The following GABRA2 variants were observed in gnomAD, a reference collection of about 807,000 sequenced individuals.
The protein encoded by GABRA2 is gamma-aminobutyric acid receptor subunit alpha-2.
Under a neutral mutation model 48.7 loss-of-function variants are expected in GABRA2, and 16 were observed. The observed-to-expected ratio is 0.33, with a 90% CI of 0.22 to 0.50. The LOEUF (loss-of-function observed/expected upper bound fraction) is 0.50. GABRA2 is among the 20% of genes least tolerant of loss of function. The pLI is 0.98. For synonymous variants in GABRA2, 185 were observed against 184.5 expected, an observed-to-expected ratio of 1.00 and a Z score of -0.02; for missense variants, 275 against 535.6, an observed-to-expected ratio of 0.51 and a Z score of 4.80.
chr4:46,298,097 G>A (rs1295960173), intron 8 of GABRA2, among the ~76,000 whole-genome samples: 1 of 151,984 alleles, frequency 6.6e-6, no homozygotes, highest in African/African-American at 2.4e-5. Flanking sequence ...GAGAGAAGAG[G>A]CTTTGTATTA....
intron 2 of GABRA2, among the ~76,000 whole-genome samples, chr4:46,387,079 C>T (rs1717560082): frequency 1.3e-5 from 2 of 152,144 alleles, no homozygotes; most frequent in Admixed American, 1.3e-4. Context: ...ATGTATAAAA[C>T]AGAATGTCCC....
chr4:46,264,800 G>T (rs1717766043), intron 8 of GABRA2, among the ~76,000 whole-genome samples: 1 of 151,656 alleles, frequency 6.6e-6, no homozygotes, highest in Non-Finnish European at 1.5e-5. Flanking sequence ...CACCAGAGAA[G>T]CCATTTGACC....
At chr4:46,280,995 T>C (rs1721426776) in intron 8 of GABRA2, among the ~76,000 whole-genome samples, 1 of 152,148 alleles carries the variant, frequency 6.6e-6, no homozygotes, top group African/African-American at 2.4e-5. Flanking sequence ...CGACTTCCAG[T>C]CTCCAGAACT....
intron 3 of GABRA2, among the ~76,000 whole-genome samples, chr4:46,363,485 G>A (rs909348597): frequency 1.3e-5 from 2 of 152,010 alleles, no homozygotes; most frequent in African/African-American, 4.8e-5. Context: ...AGAAGAAAGA[G>A]ACAGCAACAT....
At chr4:46,319,923 T>A (rs1321952566) in intron 4 of GABRA2, among the ~76,000 whole-genome samples, 4 of 151,706 alleles carry the variant, frequency 2.6e-5, no homozygotes, top group African/African-American at 4.8e-5. Flanking sequence ...TATGCAAAAT[T>A]ATACCAATTT....
intron 8 of GABRA2, among the ~76,000 whole-genome samples, chr4:46,266,074 G>A (rs1240450470): frequency 1.3e-5 from 2 of 151,552 alleles, no homozygotes; most frequent in Non-Finnish European, 2.9e-5. Context: ...CTTGTTTAAT[G>A]GCCTAATGCA....
intron 4 of GABRA2, among the ~76,000 whole-genome samples, chr4:46,325,807 C>T (rs375003113): frequency 3.6e-4 from 54 of 152,078 alleles, no homozygotes; most frequent in South Asian, 1.0e-3. Flanking sequence ...AGCCAGTTAT[C>T]CTAGCACCAT....
At chr4:46,362,359 T>C (rs1713344010) in intron 3 of GABRA2, among the ~76,000 whole-genome samples, 1 of 152,172 alleles carries the variant, frequency 6.6e-6, no homozygotes, top group East Asian at 1.9e-4. Flanking sequence ...ATCCTCCTTG[T>C]CTTCCACTAT....
chr4:46,352,632 A>G (rs1200962862), intron 3 of GABRA2, among the ~76,000 whole-genome samples: 1 of 152,046 alleles, frequency 6.6e-6, no homozygotes, highest in Non-Finnish European at 1.5e-5. Flanking sequence ...CTGCCCACAT[A>G]AGAGAAATTT....
chr4:46,335,241 T>A (rs368104680), intron 3 of GABRA2, among the ~76,000 whole-genome samples: 2 of 152,266 alleles, frequency 1.3e-5, no homozygotes, highest in African/African-American at 4.8e-5. Flanking sequence ...GTTATTCTAA[T>A]CTTGTGACTC....
chr4:46,275,097 C>T (rs187763039), intron 8 of GABRA2, among the ~76,000 whole-genome samples: 59 of 152,212 alleles, frequency 3.9e-4, no homozygotes, highest in African/African-American at 1.4e-3. Context: ...CTGGATTCCC[C>T]TTCATTCTTC....
chr4:46,377,317 T>C (rs1158731319), intron 3 of GABRA2, among the ~76,000 whole-genome samples: 4 of 148,982 alleles, frequency 2.7e-5, no homozygotes, highest in Non-Finnish European at 4.4e-5. Flanking sequence ...CGCCATCCCA[T>C]CTGGGAAGTG....
At chr4:46,337,667 A>AG (rs368391466) in intron 3 of GABRA2, among the ~76,000 whole-genome samples, 1 of 150,942 alleles carries the variant, frequency 6.6e-6, no homozygotes, top group Non-Finnish European at 1.5e-5. Flanking sequence ...AAAAAAAAAA[A>AG]GAGACTGAGA....
At chr4:46,261,166 T>A (rs1207254289) in intron 9 of GABRA2, 1 of 152,090 alleles carries the variant, frequency 6.6e-6, no homozygotes, top group African/African-American at 2.4e-5. Flanking sequence ...AGCTGTTATA[T>A]CAATGCACAA....
intron 8 of GABRA2, 55 bp downstream of exon 8, chr4:46,303,405 T>G (rs1726095047): frequency 1.3e-6 from 2 of 1,494,858 alleles, no homozygotes; most frequent in Non-Finnish European, 1.9e-6. Flanking sequence ...ATAATGTTTT[T>G]GAAAGTATGC....
At chr4:46,367,045 G>A (rs548808783) in intron 3 of GABRA2, 1 of 152,010 alleles carries the variant, frequency 6.6e-6, no homozygotes, top group Non-Finnish European at 1.5e-5. Flanking sequence ...GTAACAGCAG[G>A]GGCTACTGAA....
chr4:46,304,341 T>C (rs1380274398), intron 7 of GABRA2, among the ~76,000 whole-genome samples: 1 of 152,200 alleles, frequency 6.6e-6, no homozygotes, highest in Non-Finnish European at 1.5e-5. Flanking sequence ...CTCACTGTTA[T>C]ATGTCTGTGC....
Position 46,253,060 on chromosome 4 carries a change from T to C in GABRA2, c.1060-2456A>G, listed in dbSNP as rs911383297. ...TATGTGTTAGGTAGAAGAAGACAAA[T>C]ATTTTGTTGAAGAACTCAAGGAAAG... On this transcript the variant is annotated intron_variant, in intron 9 of 9. Transcript: ENST00000381620. Among the ~76,000 whole-genome samples the C allele has an allele frequency of 4.0e-5, 6 of 151,428 alleles. No individual in the cohort carries two copies. In the East Asian group the frequency reaches 1.2e-3, roughly 29 times the overall value.
intron 8 of GABRA2, among the ~76,000 whole-genome samples, chr4:46,273,707 C>T (rs1168289306): frequency 6.6e-6 from 1 of 151,898 alleles, no homozygotes; most frequent in East Asian, 1.9e-4. Flanking sequence ...TGGCACAAGA[C>T]ATCCAAGCAC....
Sources: allele counts gnomAD v4.1 joint callset (sites outside exome capture counted in the v4.1 genomes callset), GRCh38; gene constraint gnomAD v4.1.1; transcripts MANE v1.5; gene names NCBI Gene and HGNC (gene_info 2026-07-23, HGNC 2026-07-21).